The following GIPC1 variants were observed in gnomAD, a reference collection of about 807,000 sequenced individuals.
The protein encoded by GIPC1 is PDZ domain-containing protein GIPC1.
Under a neutral mutation model 28.5 loss-of-function variants are expected in GIPC1, and 15 were observed. The observed-to-expected ratio is 0.53, with a 90% CI of 0.35 to 0.81. GIPC1 has a LOEUF of 0.81. GIPC1 is among the 30% of genes least tolerant of loss of function. The pLI is 0.01. For synonymous variants in GIPC1, 224 were observed against 206.1 expected (o/e 1.09, Z -0.74); for missense variants, 439 against 481.9 (o/e 0.91, Z 0.83).
chr19:14,480,349 C>T lies in GIPC1; in HGVS notation c.611G>A (p.Gly204Asp), dbSNP rs778463063. Residue 204 changes from glycine (G) to aspartate (D), a missense_variant, in exon 6 of 9, where the codon GGC becomes GAC. By Grantham distance (94) the Gly-to-Asp change is moderately conservative. Transcript: ENST00000393033. Reference protein sequence around the residue: ...VARLLKELPRGRTFTLKLTEP... With the variant: ...VARLLKELPRDRTFTLKLTEP... Reference sequence around the variant, plus strand: ...CGTGAGCTTCAGCGTGAAGGTACGGCCTCGGGGCAGCTCCTTGAGCAGCCG... The same window carrying T: ...CGTGAGCTTCAGCGTGAAGGTACGGTCTCGGGGCAGCTCCTTGAGCAGCCG... 6.2e-7 allele frequency: 1 copy of T among 1,612,020 alleles called. No homozygotes were observed. The highest frequency in any genetic ancestry group is 8.5e-7 in the Non-Finnish European group (1 of 1,179,936).
chr19:14,482,529 G>A (rs10401146), intron 4 of GIPC1, 160 bp downstream of exon 4: 454,672 of 691,848 alleles, frequency 0.66, 150,564 homozygotes, highest in East Asian at 0.78. Flanking sequence ...GCCTCATGGG[G>A]ACTCAGCATC....
chr19:14,480,352 C>T lies in GIPC1; in HGVS notation c.608G>A (p.Arg203Gln), dbSNP rs747875302. The change falls in exon 6 of 9, where the codon CGA (arginine) becomes CAA (glutamine). Residue 203 changes from arginine to glutamine, a missense_variant. Transcript: ENST00000393033. ...EVARLLKELP[R>Q]GRTFTLKLTE... Reference sequence around the variant, plus strand: ...GAGCTTCAGCGTGAAGGTACGGCCTCGGGGCAGCTCCTTGAGCAGCCGGGC... The same window carrying T: ...GAGCTTCAGCGTGAAGGTACGGCCTTGGGGCAGCTCCTTGAGCAGCCGGGC... The T allele has an allele frequency of 1.2e-5, 20 of 1,611,946 alleles. No homozygotes were observed. The highest frequency in any genetic ancestry group is 9.3e-5 in the African/African-American group (7 of 74,902).
At position 14,478,064 on chromosome 19, in the gene GIPC1, C is replaced by T. The variant is rs188385990; in HGVS notation, c.*352G>A. ...GGAAGGTCATGACCCCCAAACAGAA[C>T]CCAAGGCCCCAGGGAGACAGAGGGA... On this transcript the variant is annotated 3_prime_UTR_variant, in exon 9 of 9. Coordinates refer to ENST00000393033, the MANE Select transcript of GIPC1 (RefSeq NM_005716.4). The surrounding 1 kb of genome is among the most constrained non-coding windows in gnomAD (Gnocchi z 5.2). 25 of 255,100 alleles carry T rather than the reference C, an allele frequency of 9.8e-5. No individual in the cohort carries two copies. The Admixed American group carries it at 1.1e-3, about 11-fold the overall frequency. The allele number at this position is 255,100 out of a possible 1,614,324, so 15.8% of individuals were successfully genotyped here.
chr19:14,492,239 G>A (rs1192783495), intron 2 of GIPC1, among the ~76,000 whole-genome samples: 1 of 152,112 alleles, frequency 6.6e-6, no homozygotes, highest in Non-Finnish European at 1.5e-5. Context: ...AATCATGCAT[G>A]TGCTTGGAAC....
In GIPC1 at chr19:14,482,599, A is replaced by G. The variant is rs373053420; in HGVS notation, c.288+90T>C. On this transcript the variant is annotated intron_variant, in intron 4 of 8. Transcript: ENST00000393033. ...GCCCAGGCTCAGCATCTGCAGCTTC[A>G]GCATCTGAGCCCCAGCTCATGAACA... 3.9e-3 allele frequency: 5,058 copies of G among 1,288,430 alleles called. 192 individuals are homozygous for G. In the South Asian group the frequency reaches 0.06, roughly 15 times the overall value. The allele number at this position is 1,288,430 out of a possible 1,614,324, so 79.8% of individuals were successfully genotyped here.
In GIPC1 at chr19:14,478,825, G is replaced by A. The variant is rs545234711; in HGVS notation, c.769-60C>T. 113 of 1,228,298 alleles carry A rather than the reference G, an allele frequency of 9.2e-5. 1 individual carries two copies. Among genetic ancestry groups the A allele is most frequent in the Non-Finnish European group, 1.3e-4 (104 of 828,902 alleles). The allele number at this position is 1,228,298 out of a possible 1,614,324, so 76.1% of individuals were successfully genotyped here. ...ACAATGTGAATATACATAGTAATTG[G>A]ACGGACTGCCATTGTCACCACTTTA... On this transcript the variant is annotated intron_variant, in intron 7 of 8. Coordinates refer to ENST00000393033, the MANE Select transcript of GIPC1 (RefSeq NM_005716.4). The surrounding 1 kb of genome is among the most constrained non-coding windows in gnomAD (Gnocchi z 5.2).
rs777876967 is a variant in GIPC1, at chr19:14,480,739, C to T, written c.328G>A (p.Asp110Asn). 3 of 1,613,942 alleles carry T rather than the reference C, an allele frequency of 1.9e-6. No individual in the cohort carries two copies. Among genetic ancestry groups the T allele is most frequent in the Non-Finnish European group, 2.5e-6 (3 of 1,179,806 alleles). The stretch of plus-strand genomic sequence containing the variant: ...CCGATCTGGCCCCCCAGGAGCTTGT[C>T]CATGTCCACTTTGTGGGTGTTCAGG... ...CTLNTHKVDM[D>N]KLLGGQIGLE... The change falls in exon 5 of 9, where the codon GAC becomes AAC. Residue 110 changes from aspartate (D) to asparagine (N), a missense_variant. Coordinates refer to ENST00000393033, the MANE Select transcript of GIPC1 (RefSeq NM_005716.4).
In GIPC1 at chr19:14,480,738, T is replaced by C. The variant is rs901241737; in HGVS notation, c.329A>G (p.Asp110Gly). The change falls in exon 5 of 9, where the codon GAC (aspartate) becomes GGC (glycine). Residue 110 changes from aspartate to glycine, a missense_variant. By Grantham distance (94) the Asp-to-Gly change is moderately conservative (BLOSUM62 -1). Coordinates refer to ENST00000393033, the MANE Select transcript of GIPC1 (RefSeq NM_005716.4). ...CTLNTHKVDM[D>G]KLLGGQIGLE... ...CCCGATCTGGCCCCCCAGGAGCTTGTCCATGTCCACTTTGTGGGTGTTCAG... is the reference window on the plus strand; with the variant it reads ...CCCGATCTGGCCCCCCAGGAGCTTGCCCATGTCCACTTTGTGGGTGTTCAG... 8.7e-6 allele frequency: 14 copies of C among 1,613,894 alleles called. No individual in the cohort carries two copies. Among genetic ancestry groups the C allele is most frequent in the Non-Finnish European group, 1.2e-5 (14 of 1,179,870 alleles).
chr19:14,495,366 G>A (rs1210819444), intron 1 of GIPC1, among the ~76,000 whole-genome samples: 1 of 152,226 alleles, frequency 6.6e-6, no homozygotes, highest in East Asian at 1.9e-4. Context: ...CAACTGAGCC[G>A]TGGAGTTATT....
At chr19:14,488,231 A>C (rs1198430855) in intron 3 of GIPC1, among the ~76,000 whole-genome samples, 3 of 152,032 alleles carry the variant, frequency 2.0e-5, no homozygotes, top group Non-Finnish European at 2.9e-5. Flanking sequence ...TTGACGGATC[A>C]CATGAGGTCA....
At chr19:14,484,877 C>A (rs1170643560) in intron 3 of GIPC1, among the ~76,000 whole-genome samples, 5 of 151,398 alleles carry the variant, frequency 3.3e-5, no homozygotes. Context: ...GCTGGGAGTA[C>A]AGGAATGAGC....
chr19:14,487,839 G>A (rs2071880808), intron 3 of GIPC1, among the ~76,000 whole-genome samples: 1 of 151,670 alleles, frequency 6.6e-6, no homozygotes, highest in African/African-American at 2.4e-5. Context: ...ACCATGCCCT[G>A]CTAATTTTTT....
Position 14,483,106 on chromosome 19 carries a change from A to G in GIPC1, c.-30-100T>C, listed in dbSNP as rs566386618. 1.8e-4 allele frequency: 142 copies of G among 771,818 alleles called. 1 individual carries two copies. The East Asian group carries it at 3.6e-3, about 19-fold the overall frequency. 47.8% of individuals were successfully genotyped at this position (771,818 alleles called of 1,614,324 possible). A position where few individuals can be genotyped will look rare whatever the true frequency, so the allele number is the denominator to read the frequency against. On this transcript the variant is annotated intron_variant, in intron 3 of 8. Coordinates refer to ENST00000393033, the MANE Select transcript of GIPC1 (RefSeq NM_005716.4). ...AGGCCCAAGGAAATACTCAGAGAACAAATTGGCCTCGGTTGAAATCCTCAT... is the reference window on the plus strand; with the variant it reads ...AGGCCCAAGGAAATACTCAGAGAACGAATTGGCCTCGGTTGAAATCCTCAT...
intron 3 of GIPC1, among the ~76,000 whole-genome samples, chr19:14,489,987 G>A (rs2071931177): frequency 6.6e-6 from 1 of 152,072 alleles, no homozygotes; most frequent in African/African-American, 2.4e-5. Context: ...TCTGTGTTAT[G>A]GGGCCAGATC....
intron 3 of GIPC1, among the ~76,000 whole-genome samples, chr19:14,484,058 C>T (rs1041880401): frequency 6.6e-6 from 1 of 150,780 alleles, no homozygotes; most frequent in African/African-American, 2.4e-5. Flanking sequence ...TGGATTGCAA[C>T]GGTGTGATCT....
chr19:14,494,382 G>A (rs12976764), intron 1 of GIPC1, among the ~76,000 whole-genome samples: 36,539 of 63,198 alleles, frequency 0.58, 5,126 homozygotes, highest in African/African-American at 0.62. Flanking sequence ...GTGAGCCACC[G>A]CGCCCGGGCC....
chr19:14,491,255 G>A (rs942870805), intron 3 of GIPC1, among the ~76,000 whole-genome samples: 2 of 151,560 alleles, frequency 1.3e-5, no homozygotes, highest in Middle Eastern at 3.2e-3. Context: ...CAGCTTGGCC[G>A]CATCCAATCT....
In GIPC1 at chr19:14,496,041, TCCGCCGCCGCCGCCGCCGCCG is replaced by T. The variant is rs71166735; in HGVS notation, c.-200_-180del. The T allele has an allele frequency of 5.1e-4, 116 of 226,410 alleles. 2 individuals carry two copies. The highest frequency in any genetic ancestry group is 5.0e-3 in the South Asian group (61 of 12,106). 14.0% of individuals were successfully genotyped at this position (226,410 alleles called of 1,614,324 possible). A position where few individuals can be genotyped will look rare whatever the true frequency, so the allele number is the denominator to read the frequency against. Reference sequence around the variant, plus strand: ...CTTCTCGCAGAGGCCACTCACCTGCTCCGCCGCCGCCGCCGCCGCCGCCGCCGCCGCCGCTGCCTCCGCCTC... The same window carrying T: ...CTTCTCGCAGAGGCCACTCACCTGCTCCGCCGCCGCCGCTGCCTCCGCCTC... On this transcript the variant is annotated 5_prime_UTR_variant, in exon 1 of 9. Coordinates refer to ENST00000393033, the MANE Select transcript of GIPC1 (RefSeq NM_005716.4).
At position 14,496,076 on chromosome 19, in the gene GIPC1, T is replaced by TCCGCC. The variant is rs1568371792; in HGVS notation, c.-215_-214insGGCGG. 96 of 203,692 alleles carry TCCGCC rather than the reference T, an allele frequency of 4.7e-4. No individual in the cohort carries two copies. The highest frequency in any genetic ancestry group is 1.1e-3 in the Admixed American group (16 of 15,214). 12.6% of individuals were successfully genotyped at this position (203,692 alleles called of 1,614,324 possible). On this transcript the variant is annotated 5_prime_UTR_variant, in exon 1 of 9. Transcript: ENST00000393033. ...CCGCCGCCGCCGCCGCCGCCGCCGC[T>TCCGCC]GCCTCCGCCTCCCCGTGCGCACCCG...
Sources: allele counts gnomAD v4.1 joint callset (sites outside exome capture counted in the v4.1 genomes callset), GRCh38; gene constraint gnomAD v4.1.1; non-coding constraint Gnocchi (gnomAD v3.1); transcripts MANE v1.5; gene names NCBI Gene and HGNC (gene_info 2026-07-23, HGNC 2026-07-21).